Variants in SRGAP2C observed in about 807,000 individuals in gnomAD.
SRGAP2C encodes SLIT-ROBO Rho GTPase activating protein 2C.
SRGAP2C carries 15 observed loss-of-function variants against 25.1 expected under a neutral mutation model. The observed-to-expected ratio is 0.60, with a 90% CI of 0.40 to 0.92. The LOEUF is 0.92. SRGAP2C is among the 40% of genes least tolerant of loss of function. SRGAP2C has a pLI of 0.00. For missense variants in SRGAP2C, 144 were observed against 264.4 expected, an observed-to-expected ratio of 0.54 and a Z score of 3.16; for synonymous variants, 44 against 96.6, an observed-to-expected ratio of 0.46 and a Z score of 3.19.
chr1:121,353,168 G>C (rs1283728014), intron 4 of SRGAP2C, among the ~76,000 whole-genome samples: 10 of 141,278 alleles, frequency 7.1e-5, no homozygotes, highest in African/African-American at 2.1e-4. Context: ...ATCATCTGTG[G>C]GGTTTTCCTT....
At chr1:121,371,293 G>A (rs1345586442) in intron 5 of SRGAP2C, among the ~76,000 whole-genome samples, 1 of 131,742 alleles carries the variant, frequency 7.6e-6, no homozygotes. Flanking sequence ...CTTTCTCTAA[G>A]TCCTATCTTG....
intron 2 of SRGAP2C, among the ~76,000 whole-genome samples, chr1:121,249,529 CT>C (rs1656295675): frequency 2.6e-5 from 1 of 39,022 alleles, no homozygotes; most frequent in Admixed American, 3.3e-4. Context: ...AACAAAAGGG[CT>C]TATGATGAAC....
intron 2 of SRGAP2C, among the ~76,000 whole-genome samples, chr1:121,217,771 G>A (rs1553324978): frequency 5.3e-5 from 8 of 152,166 alleles, no homozygotes; most frequent in Non-Finnish European, 1.2e-4. Context: ...CTTGTTATGT[G>A]GTATAGAAGT....
chr1:121,375,103 A>G, intron 7 of SRGAP2C, 149 bp downstream of exon 7: 1 of 601,996 alleles, frequency 1.7e-6, no homozygotes, highest in Non-Finnish European at 3.0e-6. Context: ...GTGCTTGCCA[A>G]GCACCATGTG....
chr1:121,278,253 G>A (rs1248454770), intron 2 of SRGAP2C, among the ~76,000 whole-genome samples: 33 of 151,722 alleles, frequency 2.2e-4, no homozygotes, highest in African/African-American at 7.5e-4. Context: ...GGCCTGTTTT[G>A]TGCCTTACTT....
chr1:121,372,298 G>T (rs1462668779), intron 5 of SRGAP2C, among the ~76,000 whole-genome samples: 2 of 152,162 alleles, frequency 1.3e-5, no homozygotes, highest in South Asian at 4.1e-4. Flanking sequence ...CTCAACGTCA[G>T]CACCATTGAC....
chr1:121,314,716 G>A (rs1354874186), intron 3 of SRGAP2C, among the ~76,000 whole-genome samples: 15 of 151,194 alleles, frequency 9.9e-5, no homozygotes, highest in Non-Finnish European at 1.6e-4. Flanking sequence ...CTGCTGGGGG[G>A]TGCCTCCCAG....
chr1:121,233,708 GTC>G, intron 2 of SRGAP2C, among the ~76,000 whole-genome samples: 1 of 135,970 alleles, frequency 7.4e-6, no homozygotes, highest in Non-Finnish European at 1.6e-5. Flanking sequence ...CTTTCTCTCT[GTC>G]TCTCTCTCTT....
At chr1:121,198,425 G>C (rs1370988111) in intron 2 of SRGAP2C, among the ~76,000 whole-genome samples, 7 of 105,756 alleles carry the variant, frequency 6.6e-5, no homozygotes, top group African/African-American at 2.3e-4. Context: ...TAGAATCATG[G>C]CATGGTGGGC....
chr1:121,296,307 T>A (rs1657598284), intron 3 of SRGAP2C, among the ~76,000 whole-genome samples: 1 of 151,310 alleles, frequency 6.6e-6, no homozygotes, highest in South Asian at 2.1e-4. Flanking sequence ...TGATTTCCAA[T>A]AGTAAGAGTT....
chr1:121,304,206 A>T (rs1205906381), intron 3 of SRGAP2C, among the ~76,000 whole-genome samples: 57 of 76,502 alleles, frequency 7.5e-4, no homozygotes, highest in Middle Eastern at 5.6e-3. Context: ...CCGAGACTCC[A>T]TATCAAAAAA....
intron 3 of SRGAP2C, among the ~76,000 whole-genome samples, chr1:121,308,578 C>T (rs1329957794): frequency 6.6e-6 from 1 of 151,220 alleles, no homozygotes; most frequent in Non-Finnish European, 1.5e-5. Context: ...GAGTTTGAGG[C>T]TACAGTGAAC....
chr1:121,285,402 T>TCACACACACACACACA (rs1452003957), intron 3 of SRGAP2C, among the ~76,000 whole-genome samples: 6 of 128,226 alleles, frequency 4.7e-5, no homozygotes, highest in South Asian at 2.5e-4. Context: ...TCTCTCTCTC[T>TCACACACACACACACA]CTCACACACA....
At chr1:121,277,735 G>A (rs1346133066) in intron 2 of SRGAP2C, among the ~76,000 whole-genome samples, 1 of 122,892 alleles carries the variant, frequency 8.1e-6, no homozygotes, top group Non-Finnish European at 1.7e-5. Context: ...CAAGATGGCA[G>A]TGGCAGTGTC....
intron 2 of SRGAP2C, among the ~76,000 whole-genome samples, chr1:121,202,073 T>C (rs1322985517): frequency 1.3e-5 from 2 of 152,206 alleles, no homozygotes; most frequent in Non-Finnish European, 2.9e-5. Context: ...CAGAATAGTA[T>C]ACCGCAGCCC....
chr1:121,319,603 G>A (rs1658157840), intron 3 of SRGAP2C, among the ~76,000 whole-genome samples: 1 of 151,656 alleles, frequency 6.6e-6, no homozygotes, highest in Non-Finnish European at 1.5e-5. Context: ...AGAAAAGCTG[G>A]GCTAATGTCT....
intron 7 of SRGAP2C, among the ~76,000 whole-genome samples, chr1:121,375,431 G>T (rs1659618853): frequency 6.8e-6 from 1 of 146,178 alleles, no homozygotes; most frequent in Non-Finnish European, 1.5e-5. Flanking sequence ...TCAAGCAATT[G>T]TCCTACCTCA....
intron 4 of SRGAP2C, among the ~76,000 whole-genome samples, chr1:121,334,784 T>C (rs1254120519): frequency 6.7e-6 from 1 of 148,162 alleles, no homozygotes; most frequent in African/African-American, 2.5e-5. Context: ...AATATCTAAT[T>C]TGTAGAAATT....
chr1:121,346,613 G>A (rs12037480), intron 4 of SRGAP2C, among the ~76,000 whole-genome samples: 2 of 152,292 alleles, frequency 1.3e-5, no homozygotes, highest in Non-Finnish European at 2.9e-5. Flanking sequence ...AAAGAGTTAA[G>A]GATAGGGAGT....
Sources: gnomAD v4.1 joint callset for allele counts (sites outside exome capture counted in the v4.1 genomes callset) on GRCh38, gnomAD v4.1.1 for gene constraint, MANE v1.5 for transcripts, NCBI Gene and HGNC (gene_info 2026-07-23, HGNC 2026-07-21) for gene names.